The following SIRPA variants were observed in gnomAD, a reference collection of about 807,000 sequenced individuals.
The protein encoded by SIRPA is tyrosine-protein phosphatase non-receptor type substrate 1.
In SIRPA, 9 loss-of-function variants were observed where a neutral mutation model predicts 50.3. The observed-to-expected ratio is 0.18, with a 90% CI of 0.11 to 0.31. The LOEUF is 0.31. Among genes scored for constraint, SIRPA ranks in the 10% least tolerant of loss-of-function variants. The pLI is 1.00. For missense variants in SIRPA, 474 were observed against 661.6 expected, an observed-to-expected ratio of 0.72 and a Z score of 3.11; for synonymous variants, 265 against 284.1, an observed-to-expected ratio of 0.93 and a Z score of 0.68.
At chr20:1,903,433 C>T (rs1380696412) in intron 1 of SIRPA, among the ~76,000 whole-genome samples, 1 of 152,200 alleles carries the variant, frequency 6.6e-6, no homozygotes, top group African/African-American at 2.4e-5. Flanking sequence ...GATTTAGGTC[C>T]CTGAATGCTG....
intron 4 of SIRPA, among the ~76,000 whole-genome samples, chr20:1,923,962 A>C (rs928447597): frequency 6.7e-6 from 1 of 149,550 alleles, no homozygotes; most frequent in Admixed American, 6.7e-5. Flanking sequence ...AGAGGATAAA[A>C]GAGTCAGTTG....
rs1158833499 is a variant in SIRPA, at chr20:1,898,162, A to G, written c.79+2636A>G. On this transcript the variant is annotated intron_variant, in intron 1 of 7. Transcript: ENST00000358771. The surrounding 1 kb of genome is among the most constrained non-coding windows in gnomAD (Gnocchi z 4.3). Reference sequence around the variant, plus strand: ...GCTCTGGGGAGCAGCGGGGCCCCCCAGTGAACCTCTCACCGTTTGGTAGAG... The same window carrying G: ...GCTCTGGGGAGCAGCGGGGCCCCCCGGTGAACCTCTCACCGTTTGGTAGAG... Among the ~76,000 whole-genome samples, 2 of 152,374 alleles carry G rather than the reference A, an allele frequency of 1.3e-5. No homozygotes were observed.
At position 1,928,799 on chromosome 20, in the gene SIRPA, C is replaced by A. The variant is rs2267905; in HGVS notation, c.1226+900C>A. On this transcript the variant is annotated intron_variant, in intron 6 of 7. Coordinates refer to ENST00000358771, the MANE Select transcript of SIRPA (RefSeq NM_001040023.2). This position sits in a 1 kb window ranked among gnomAD's most constrained non-coding sequence, Gnocchi z 4.9. Reference sequence around the variant, plus strand: ...AGGAAGAAGATAAGGTCAGGAAGACCCAGGTCCTCGGCATCCCGGTGTCCT... The same window carrying A: ...AGGAAGAAGATAAGGTCAGGAAGACACAGGTCCTCGGCATCCCGGTGTCCT... Among the ~76,000 whole-genome samples the A allele has an allele frequency of 0.83, 125,638 of 152,116 alleles. 52,530 individuals carry two copies. The highest frequency in any genetic ancestry group is 0.9 in the Middle Eastern group (265 of 294).
chr20:1,901,143 T>C, intron 1 of SIRPA, among the ~76,000 whole-genome samples: 1 of 151,462 alleles, frequency 6.6e-6, no homozygotes, highest in Admixed American at 6.6e-5. Context: ...TGTTTTTGTT[T>C]TTTCTTCCTT....
chr20:1,935,887 A>G (rs1986549231), intron 7 of SIRPA, among the ~76,000 whole-genome samples: 1 of 152,174 alleles, frequency 6.6e-6, no homozygotes, highest in Non-Finnish European at 1.5e-5. Context: ...ACAGAAGCAA[A>G]TGAGAGCACG....
chr20:1,896,819 G>A (rs933713861), intron 1 of SIRPA, among the ~76,000 whole-genome samples: 5 of 138,966 alleles, frequency 3.6e-5, no homozygotes, highest in African/African-American at 8.2e-5. Context: ...TTATAGTTGC[G>A]TCCTTGCTGG....
chr20:1,937,921 G>A lies in SIRPA; in HGVS notation c.*353G>A, dbSNP rs772869256. On this transcript the variant is annotated 3_prime_UTR_variant, in exon 8 of 8. Transcript: ENST00000358771. This position sits in a 1 kb window ranked among gnomAD's most constrained non-coding sequence, Gnocchi z 8.3. ...CCCTCGACTGCCTCCCCGATGCTCC[G>A]AAGCCTGATCTTCCAGGGTGGGGAG... 1.3e-4 allele frequency: 34 copies of A among 257,214 alleles called. No individual in the cohort carries two copies. The highest frequency in any genetic ancestry group is 2.7e-3 in the Middle Eastern group (2 of 752). The allele number at this position is 257,214 out of a possible 1,614,324, so 15.9% of individuals were successfully genotyped here. A position where few individuals can be genotyped will look rare whatever the true frequency, so the allele number is the denominator to read the frequency against.
upstream of SIRPA, among the ~76,000 whole-genome samples, chr20:1,895,133 G>C (rs1346961954): frequency 6.6e-6 from 1 of 151,476 alleles, no homozygotes; most frequent in Non-Finnish European, 1.5e-5. Flanking sequence ...CCGTGTCTCT[G>C]GCTCTCTGCC....
chr20:1,894,272 C>T (rs1449235535), upstream of SIRPA: 1 of 152,066 alleles, frequency 6.6e-6, no homozygotes, highest in Non-Finnish European at 1.5e-5. The surrounding 1 kb of genome is among the most constrained non-coding windows in gnomAD (Gnocchi z 4.0). Context: ...CCCGCGCCCC[C>T]GCGCCCCGAC....
rs1197374144 is a variant in SIRPA, at chr20:1,901,286, T to G, written c.79+5760T>G. Among the ~76,000 whole-genome samples, 3 of 146,878 alleles carry G rather than the reference T, an allele frequency of 2.0e-5. No individual in the cohort carries two copies. In the Admixed American group the frequency reaches 2.1e-4, roughly 10 times the overall value. On this transcript the variant is annotated intron_variant, in intron 1 of 7. Transcript: ENST00000358771. ...CCTGGGTCCAAGCAATTCTCCTATC[T>G]CAGCCTCCCCAGTAGCTAGGACTAC...
intron 1 of SIRPA, among the ~76,000 whole-genome samples, chr20:1,911,571 C>T (rs761610887): frequency 4.6e-5 from 7 of 152,158 alleles, no homozygotes; most frequent in South Asian, 4.1e-4. Flanking sequence ...TATCATTGAC[C>T]GGCTGGGCTT....
At chr20:1,901,049 C>T (rs1984163177) in intron 1 of SIRPA, among the ~76,000 whole-genome samples, 1 of 152,146 alleles carries the variant, frequency 6.6e-6, no homozygotes, top group Non-Finnish European at 1.5e-5. Flanking sequence ...CATTCCTTAG[C>T]CGTCACTGAG....
chr20:1,900,107 T>A (rs902512061), intron 1 of SIRPA, among the ~76,000 whole-genome samples: 1 of 150,610 alleles, frequency 6.6e-6, no homozygotes, highest in South Asian at 2.1e-4. Flanking sequence ...TTTTTTCTTT[T>A]TTTTTTTTTT....
In SIRPA at chr20:1,921,638, T is replaced by C. The variant is rs1985663078; in HGVS notation, c.680T>C (p.Ile227Thr). The change falls in exon 3 of 8, where the codon ATC (isoleucine) becomes ACC (threonine). Residue 227 changes from isoleucine to threonine, a missense_variant. Ile to Thr is a moderately conservative substitution (Grantham distance 89). Around this residue, in one of 4 missense-constraint regions of SIRPA, gnomAD observed 221 missense variants for 359.9 expected, o/e 0.61. Coordinates refer to ENST00000358771, the MANE Select transcript of SIRPA (RefSeq NM_001040023.2). Reference sequence around the variant, plus strand: ...CGCGAGGACGTTCACTCTCAAGTCATCTGCGAGGTGGCCCACGTCACCTTG... The same window carrying C: ...CGCGAGGACGTTCACTCTCAAGTCACCTGCGAGGTGGCCCACGTCACCTTG... Reference protein sequence around the residue: ...LTREDVHSQVICEVAHVTLQG... With the variant: ...LTREDVHSQVTCEVAHVTLQG... 6.2e-7 allele frequency: 1 copy of C among 1,614,080 alleles called. No homozygotes were observed. The highest frequency in any genetic ancestry group is 1.3e-5 in the African/African-American group (1 of 74,940).
chr20:1,926,085 C>T (rs1488212270), intron 5 of SIRPA, among the ~76,000 whole-genome samples: 3 of 152,234 alleles, frequency 2.0e-5, no homozygotes, highest in South Asian at 2.1e-4. Flanking sequence ...ACACTAATCA[C>T]GCATCCCTTC....
In SIRPA at chr20:1,922,583, G is replaced by C. The variant is rs200179222; in HGVS notation, c.1025G>C (p.Ser342Thr). Residue 342 changes from serine (S) to threonine (T), a missense_variant, in exon 4 of 8, where the codon AGC becomes ACC. Physicochemically the swap from Ser to Thr is moderately conservative, Grantham distance 58. Around this residue, in one of 4 missense-constraint regions of SIRPA, gnomAD observed 221 missense variants for 359.9 expected, o/e 0.61. Coordinates refer to ENST00000358771, the MANE Select transcript of SIRPA (RefSeq NM_001040023.2). ...GAGCATGACGGGCAGCCAGCGGTCA[G>C]CAAAAGCCATGACCTGAAGGTCTCA... ...QVEHDGQPAV[S>T]KSHDLKVSAH... is the part of the protein sequence containing the mutation. The C allele has an allele frequency of 1.5e-4, 235 of 1,613,998 alleles. 1 individual carries two copies. The highest frequency in any genetic ancestry group is 3.3e-4 in the Middle Eastern group (2 of 6,082).
At chr20:1,911,602 G>A (rs1041004981) in intron 1 of SIRPA, among the ~76,000 whole-genome samples, 2 of 152,064 alleles carry the variant, frequency 1.3e-5, no homozygotes, top group Non-Finnish European at 2.9e-5. Context: ...CTTTAAGATC[G>A]TTATACAGGA....
rs1234979231 is a variant in SIRPA, at chr20:1,933,590, T to C, written c.1227-1125T>C. On this transcript the variant is annotated intron_variant, in intron 6 of 7. Transcript: ENST00000358771. This position sits in a 1 kb window ranked among gnomAD's most constrained non-coding sequence, Gnocchi z 4.4. ...GTAGTGTGGGGACAGATCTGCGTGA[T>C]CTTCCCCAGCAGACGTGCCCCTGCT... 6.6e-6 allele frequency among the ~76,000 whole-genome samples: 1 copy of C among 152,130 alleles called. No homozygotes were observed. The highest frequency in any genetic ancestry group is 1.5e-5 in the Non-Finnish European group (1 of 68,022).
At chr20:1,925,283 G>A (rs561669574) in intron 5 of SIRPA, among the ~76,000 whole-genome samples, 103 of 152,364 alleles carry the variant, frequency 6.8e-4, no homozygotes, top group African/African-American at 2.4e-3. Context: ...GGAGGCCAGA[G>A]GGAATGGAGA....
Sources: gnomAD v4.1 joint callset for allele counts (sites outside exome capture counted in the v4.1 genomes callset) on GRCh38, gnomAD v4.1.1 for gene constraint, gnomAD v4.1.1 regional missense constraint, Gnocchi (gnomAD v3.1) non-coding constraint, MANE v1.5 for transcripts, NCBI Gene and HGNC (gene_info 2026-07-23, HGNC 2026-07-21) for gene names.